The following CCDC171 variants were observed in gnomAD, a reference collection of about 807,000 sequenced individuals.
The protein encoded by CCDC171 is coiled-coil domain-containing protein 171.
A neutral mutation model predicts 168.2 loss-of-function variants in CCDC171; 177 were observed. The observed-to-expected ratio is 1.05, with a 90% CI of 0.93 to 1.19. The LOEUF (loss-of-function observed/expected upper bound fraction) is 1.19, where lower values mean the gene tolerates loss of function less well. Ranked by LOEUF, CCDC171 falls within the 50% of genes most tolerant of loss-of-function variation. The probability of loss-of-function intolerance (pLI) is 0.00; values close to 1 mark genes in which losing one functional copy is unlikely to be tolerated. For synonymous variants in CCDC171, 687 were observed against 540.8 expected (o/e 1.27, Z -3.75); for missense variants, 1,991 against 1,539.0 (o/e 1.29, Z -4.91).
At chr9:15,754,448 G>A (rs942249291) in intron 18 of CCDC171, among the ~76,000 whole-genome samples, 10 of 151,930 alleles carry the variant, frequency 6.6e-5, no homozygotes, top group Admixed American at 5.9e-4. Flanking sequence ...GCAGTTGGTG[G>A]GTGGTAAAAA....
intron 4 of CCDC171, 54 bp downstream of exon 4, chr9:15,579,077 C>A: frequency 7.1e-7 from 1 of 1,404,798 alleles, no homozygotes. Flanking sequence ...GATTGTATAT[C>A]ACTCCTCGCT....
intron 24 of CCDC171, among the ~76,000 whole-genome samples, chr9:15,883,874 A>G (rs1349528791): frequency 6.6e-6 from 1 of 152,190 alleles, no homozygotes; most frequent in African/African-American, 2.4e-5. Flanking sequence ...GGAAAAAATA[A>G]TTAGGAAGGA....
At chr9:15,829,827 G>T (rs1273712416) in intron 21 of CCDC171, among the ~76,000 whole-genome samples, 2 of 152,112 alleles carry the variant, frequency 1.3e-5, no homozygotes, top group Admixed American at 6.5e-5. Context: ...AACGGAGGCG[G>T]GAGGATCACC....
In CCDC171 at chr9:16,054,032, C is replaced by T. The variant is rs141235265; in HGVS notation, n.90-6614C>T. Among the ~76,000 whole-genome samples the T allele has an allele frequency of 6.8e-3, 1,030 of 152,340 alleles. 4 individuals are homozygous for T. Among genetic ancestry groups the T allele is most frequent in the Non-Finnish European group, 0.01 (694 of 68,034 alleles). ...ACCTGCAGCCTGGCCTGCTGATGTT[C>T]TTTCCTGCCTTCTGAAACCATCTTT... is the stretch of plus-strand genomic sequence containing the variant. On this transcript the variant is annotated intron_variant and non_coding_transcript_variant, in intron 1 of 1. Coordinates refer to the CCDC171 transcript ENST00000478913.
chr9:16,019,614 A>T (rs915912543), intron 3 of CCDC171, among the ~76,000 whole-genome samples: 1 of 152,126 alleles, frequency 6.6e-6, no homozygotes, highest in Admixed American at 6.5e-5. Context: ...TGGTTAGAGA[A>T]ATCTCACCTT....
chr9:15,817,709 G>A lies in CCDC171; in HGVS notation c.3268-28993G>A, dbSNP rs1027221046. Among the ~76,000 whole-genome samples the A allele has an allele frequency of 1.7e-5, 2 of 118,774 alleles. 1 individual carries two copies. Among genetic ancestry groups the A allele is most frequent in the African/African-American group, 6.3e-5 (2 of 31,722 alleles). 77.9% of individuals were successfully genotyped at this position (118,774 alleles called of 152,430 possible). A position where few individuals can be genotyped will look rare whatever the true frequency, so the allele number is the denominator to read the frequency against. On this transcript the variant is annotated intron_variant, in intron 21 of 25. Transcript: ENST00000380701. ...CAAAGCAACCAGGAAGCTCAAACTG[G>A]GTGGAGCCCACCACAGCTCAAGGAG...
chr9:16,033,686 A>G (rs1174968127), intron 6 of CCDC171, among the ~76,000 whole-genome samples: 1 of 144,518 alleles, frequency 6.9e-6, no homozygotes, highest in Admixed American at 7.0e-5. Flanking sequence ...CCATCCCCCT[A>G]CCCCCCACCC....
chr9:15,677,341 T>C (rs1486888121), intron 9 of CCDC171, among the ~76,000 whole-genome samples: 1 of 152,094 alleles, frequency 6.6e-6, no homozygotes, highest in Non-Finnish European at 1.5e-5. Flanking sequence ...ATTCCTAATC[T>C]AAAGGAGAAT....
At chr9:15,859,984 A>AT (rs535346733) in intron 23 of CCDC171, among the ~76,000 whole-genome samples, 126 of 140,334 alleles carry the variant, frequency 9.0e-4, no homozygotes, top group African/African-American at 1.6e-3. Flanking sequence ...AAGACTTTCT[A>AT]TTTTTTTTTT....
chr9:15,601,118 G>A (rs929141178), intron 6 of CCDC171, among the ~76,000 whole-genome samples: 3 of 152,120 alleles, frequency 2.0e-5, no homozygotes, highest in Non-Finnish European at 4.4e-5. Flanking sequence ...TTCGACTCAC[G>A]CTCAGTGCAC....
chr9:16,001,325 G>A (rs1386514395), intron 3 of CCDC171, among the ~76,000 whole-genome samples: 1 of 151,958 alleles, frequency 6.6e-6, no homozygotes, highest in Non-Finnish European at 1.5e-5. Flanking sequence ...AAACAATATG[G>A]CACCCTCAAC....
chr9:15,603,582 T>TTCA (rs2043017366), intron 6 of CCDC171, among the ~76,000 whole-genome samples: 1 of 152,220 alleles, frequency 6.6e-6, no homozygotes, highest in African/African-American at 2.4e-5. Context: ...AAAGACATGA[T>TTCA]TTCATTCATT....
intron 7 of CCDC171, among the ~76,000 whole-genome samples, chr9:15,639,893 G>A (rs930532792): frequency 1.2e-4 from 18 of 152,140 alleles, no homozygotes; most frequent in African/African-American, 2.7e-4. Context: ...TAAGTAGAAG[G>A]AATATCCTTT....
At chr9:15,759,489 A>G (rs554337204) in intron 18 of CCDC171, among the ~76,000 whole-genome samples, 1 of 152,286 alleles carries the variant, frequency 6.6e-6, no homozygotes, top group East Asian at 1.9e-4. Context: ...TGTCCCGACT[A>G]TGTTCTTTAT....
chr9:16,054,483 A>G (rs1268192544), intron 1 of CCDC171, among the ~76,000 whole-genome samples: 3 of 152,040 alleles, frequency 2.0e-5, no homozygotes, highest in South Asian at 4.1e-4. Flanking sequence ...AGCGAGTCCC[A>G]TAAGCACCTT....
chr9:15,647,217 C>T (rs1407654698), intron 7 of CCDC171, among the ~76,000 whole-genome samples: 4 of 152,000 alleles, frequency 2.6e-5, no homozygotes, highest in Non-Finnish European at 5.9e-5. Context: ...AACAAAGACA[C>T]AACATACCAG....
chr9:16,066,969 A>G, the CCDC171 span, among the ~76,000 whole-genome samples: 33 of 152,082 alleles, frequency 2.2e-4, no homozygotes, highest in African/African-American at 7.5e-4. Flanking sequence ...TCCTTTGGGT[A>G]TATACCCAGT....
intron 3 of CCDC171, among the ~76,000 whole-genome samples, chr9:15,992,654 G>A (rs1216976130): frequency 6.6e-6 from 1 of 152,188 alleles, no homozygotes. Context: ...AAGTCAAATT[G>A]TCCTTGTTTG....
intron 4 of CCDC171, among the ~76,000 whole-genome samples, chr9:15,590,783 T>TTCTCTC (rs71304895): frequency 1.8e-5 from 2 of 114,226 alleles, no homozygotes; most frequent in South Asian, 3.1e-4. Context: ...CTTTCTTTCT[T>TTCTCTC]TCTTTCTTTC....
Sources: gnomAD v4.1 joint callset for allele counts (sites outside exome capture counted in the v4.1 genomes callset) on GRCh38, gnomAD v4.1.1 for gene constraint, MANE v1.5 for transcripts, NCBI Gene and HGNC (gene_info 2026-07-23, HGNC 2026-07-21) for gene names.